HBP1: variants seen among roughly 807,000 people sequenced by gnomAD.
HBP1 encodes the protein HMG box-containing protein 1.
Under a neutral mutation model 62.6 loss-of-function variants are expected in HBP1, and 20 were observed. The observed-to-expected ratio is 0.32, with a 90% CI of 0.22 to 0.46. The LOEUF (loss-of-function observed/expected upper bound fraction) is 0.46, where lower values mean the gene tolerates loss of function less well. Ranked by LOEUF, HBP1 falls within the 20% of genes least tolerant of loss-of-function variation. HBP1 has a pLI of 1.00. For missense variants in HBP1, 480 were observed against 611.8 expected, an observed-to-expected ratio of 0.78 and a Z score of 2.27; for synonymous variants, 232 against 206.2, an observed-to-expected ratio of 1.12 and a Z score of -1.07.
At chr7:107,200,398 T>C (rs1798179120) in intron 10 of HBP1, 97 bp downstream of exon 10, 1 of 905,356 alleles carries the variant, frequency 1.1e-6, no homozygotes, top group Non-Finnish European at 1.7e-6. Context: ...AGAGGTTGTG[T>C]TGATGCTGTC....
At chr7:107,179,779 AAAC>A in intron 1 of HBP1, 97 bp from the exon 2 acceptor site, 1 of 757,986 alleles carries the variant, frequency 1.3e-6, no homozygotes, top group Non-Finnish European at 2.1e-6. Flanking sequence ...CTCAAAAAAA[AAAC>A]AAAACAACAT....
At chr7:107,190,391 C>A in intron 8 of HBP1, 74 bp downstream of exon 8, 2 of 966,486 alleles carry the variant, frequency 2.1e-6, no homozygotes, top group Non-Finnish European at 3.1e-6. Flanking sequence ...ATGGTTAAGT[C>A]AGATATTTAG....
intron 9 of HBP1, among the ~76,000 whole-genome samples, chr7:107,198,974 G>A (rs901714443): frequency 2.6e-5 from 4 of 151,990 alleles, no homozygotes; most frequent in Non-Finnish European, 4.4e-5. Flanking sequence ...GAGATGGTGT[G>A]AATATTTATT....
chr7:107,197,510 G>C (rs1001352633), intron 9 of HBP1, among the ~76,000 whole-genome samples: 27 of 152,070 alleles, frequency 1.8e-4, no homozygotes, highest in East Asian at 3.9e-4. Flanking sequence ...CTGGGATTAC[G>C]GGCATGCGCC....
intron 10 of HBP1, chr7:107,201,134 G>A (rs1798257185): frequency 9.6e-6 from 3 of 311,272 alleles, no homozygotes; most frequent in Non-Finnish European, 1.2e-5. Context: ...TGAGAGGGTG[G>A]CTGAACTGAA....
intron 1 of HBP1, among the ~76,000 whole-genome samples, chr7:107,178,996 T>G (rs1019766382): frequency 4.3e-4 from 66 of 152,340 alleles, no homozygotes; most frequent in African/African-American, 1.5e-3. Flanking sequence ...ATTGTGCCAC[T>G]GCACTCCAGC....
intron 1 of HBP1, among the ~76,000 whole-genome samples, chr7:107,171,634 C>T (rs930480855): frequency 9.2e-5 from 14 of 151,952 alleles, no homozygotes; most frequent in Admixed American, 6.6e-5. Context: ...GAGGCTGAGG[C>T]GGGTGGATCA....
At chr7:107,193,120 A>G (rs896212150) in intron 8 of HBP1, 1 of 152,170 alleles carries the variant, frequency 6.6e-6, no homozygotes, top group Admixed American at 6.6e-5. Flanking sequence ...ATTCTGAAAC[A>G]TTGAGAATTG....
Position 107,199,970 on chromosome 7 carries a change from G to A in HBP1, c.1386-190G>A, listed in dbSNP as rs1798147949. Among the ~76,000 whole-genome samples, 1 of 152,136 alleles carries A rather than the reference G, an allele frequency of 6.6e-6. No homozygotes were observed. The highest frequency in any genetic ancestry group is 1.5e-5 in the Non-Finnish European group (1 of 68,016). On this transcript the variant is annotated intron_variant, in intron 9 of 10. Transcript: ENST00000222574. Reference sequence around the variant, plus strand: ...GTTGAATACTTCATGCTGCTGATACGGAACAATGGATTATTTGATTCGGGA... The same window carrying A: ...GTTGAATACTTCATGCTGCTGATACAGAACAATGGATTATTTGATTCGGGA...
At chr7:107,170,749 C>A (rs1388278059) in intron 1 of HBP1, among the ~76,000 whole-genome samples, 2 of 151,688 alleles carry the variant, frequency 1.3e-5, no homozygotes, top group Non-Finnish European at 2.9e-5. Flanking sequence ...GAAAACCCTT[C>A]CTCTTTCTTA....
intron 7 of HBP1, 67 bp from the exon 8 acceptor site, chr7:107,190,106 A>G: frequency 9.0e-7 from 1 of 1,114,856 alleles, no homozygotes; most frequent in East Asian, 2.6e-5. Context: ...TAGAAATGAT[A>G]TGTCTGTTCT....
At chr7:107,172,471 A>G (rs77185844) in intron 1 of HBP1, among the ~76,000 whole-genome samples, 3 of 152,182 alleles carry the variant, frequency 2.0e-5, no homozygotes, top group South Asian at 2.1e-4. Flanking sequence ...AACAAGTTTC[A>G]TAAGAATTTT....
At chr7:107,180,420 T>G (rs1797055775) in intron 2 of HBP1, among the ~76,000 whole-genome samples, 1 of 152,246 alleles carries the variant, frequency 6.6e-6, no homozygotes, top group African/African-American at 2.4e-5. Flanking sequence ...TGGTATGATG[T>G]GGAAATTACA....
chr7:107,184,521 G>A (rs1372952005), intron 3 of HBP1, among the ~76,000 whole-genome samples: 2 of 151,832 alleles, frequency 1.3e-5, no homozygotes, highest in East Asian at 3.9e-4. Context: ...TTTTGTTTTT[G>A]TTTTTTTGAG....
intron 2 of HBP1, 64 bp from the exon 3 acceptor site, chr7:107,182,309 G>A (rs1797145487): frequency 4.6e-6 from 4 of 864,412 alleles, no homozygotes; most frequent in South Asian, 4.3e-5. Flanking sequence ...TTTAACTGCA[G>A]TTATAATATT....
intron 9 of HBP1, chr7:107,196,606 A>C (rs1193417770): frequency 3.8e-6 from 1 of 261,420 alleles, no homozygotes; most frequent in Non-Finnish European, 7.6e-6. Context: ...TGGAATTTTT[A>C]GGGTTATATG....
chr7:107,179,231 GA>G (rs11314732), intron 1 of HBP1, among the ~76,000 whole-genome samples: 23,759 of 151,686 alleles, frequency 0.16, 2,312 homozygotes, highest in Non-Finnish European at 0.22. Flanking sequence ...AGGTACAAGT[GA>G]AAAAAAGAGT....
intron 1 of HBP1, among the ~76,000 whole-genome samples, chr7:107,172,781 T>C (rs1796662897): frequency 1.3e-5 from 2 of 152,168 alleles, no homozygotes; most frequent in Admixed American, 6.5e-5. Context: ...TTTTTAGAGA[T>C]GGGATCTTGC....
rs547509680 is a variant in HBP1 at position 107,180,117 on chromosome 7, C to T, written c.169+55C>T. On this transcript the variant is annotated intron_variant, in intron 2 of 10. Coordinates refer to ENST00000222574, the MANE Select transcript of HBP1 (RefSeq NM_012257.4). The stretch of plus-strand genomic sequence containing the variant: ...CTCACTAAGATTCAGATAAATTTTT[C>T]TACTTAGCCCGCTTCTCCACCAACC... The T allele has an allele frequency of 1.6e-5, 18 of 1,158,112 alleles. No individual in the cohort carries two copies. The South Asian group carries it at 2.9e-4, about 19-fold the overall frequency. The allele number at this position is 1,158,112 out of a possible 1,614,324, so 71.7% of individuals were successfully genotyped here.
Sources: gnomAD v4.1 joint callset for allele counts (sites outside exome capture counted in the v4.1 genomes callset) on GRCh38, gnomAD v4.1.1 for gene constraint, MANE v1.5 for transcripts, NCBI Gene and HGNC (gene_info 2026-07-23, HGNC 2026-07-21) for gene names.